The following XRN2 variants were observed in gnomAD, a reference collection of about 807,000 sequenced individuals.
The protein encoded by XRN2 is 5'-3' exoribonuclease 2.
In XRN2, 44 loss-of-function variants were observed where a neutral mutation model predicts 138.5. The ratio of observed to expected loss-of-function variants is 0.32; its 90% CI spans 0.25 to 0.41. The LOEUF (loss-of-function observed/expected upper bound fraction) is 0.41, where lower values mean the gene tolerates loss of function less well. Among genes scored for constraint, XRN2 ranks in the 10% least tolerant of loss-of-function variants. The pLI is 1.00. For synonymous variants in XRN2, 354 were observed against 369.4 expected, an observed-to-expected ratio of 0.96 and a Z score of 0.48; for missense variants, 937 against 1,169.3, an observed-to-expected ratio of 0.80 and a Z score of 2.90.
At chr20:21,386,721 C>A in intron 28 of XRN2, 147 bp from the exon 29 acceptor site, 1 of 951,444 alleles carries the variant, frequency 1.1e-6, no homozygotes, top group Non-Finnish European at 1.5e-6. Flanking sequence ...ATAAGGGACA[C>A]AAAGGCCATT....
chr20:21,318,472 T>C (rs2037991813), intron 1 of XRN2, among the ~76,000 whole-genome samples: 1 of 152,134 alleles, frequency 6.6e-6, no homozygotes, highest in Non-Finnish European at 1.5e-5. Context: ...TTTAGTTTAC[T>C]CTCTTTTGGT....
At chr20:21,384,899 A>G (rs985418305) in intron 28 of XRN2, among the ~76,000 whole-genome samples, 3 of 152,224 alleles carry the variant, frequency 2.0e-5, no homozygotes, top group African/African-American at 7.2e-5. Flanking sequence ...TATTTGCAAA[A>G]TATATAATTA....
At chr20:21,388,848 A>G (rs146421953) in intron 29 of XRN2, among the ~76,000 whole-genome samples, 5 of 152,364 alleles carry the variant, frequency 3.3e-5, no homozygotes, top group African/African-American at 1.2e-4. Flanking sequence ...TTTGGCCTTA[A>G]CTGACTTAGC....
At chr20:21,329,492 C>T (rs1166361787) in intron 4 of XRN2, among the ~76,000 whole-genome samples, 5 of 152,140 alleles carry the variant, frequency 3.3e-5, no homozygotes, top group Admixed American at 3.3e-4. Flanking sequence ...AAAAGGATGC[C>T]ATAGTATAGC....
chr20:21,313,798 T>C (rs1356622876), intron 1 of XRN2, among the ~76,000 whole-genome samples: 1 of 152,214 alleles, frequency 6.6e-6, no homozygotes, highest in Non-Finnish European at 1.5e-5. Context: ...ACTTTTGTGA[T>C]AGGCATCACT....
At position 21,389,304 on chromosome 20, in the gene XRN2, T is replaced by G; in HGVS notation, c.2819T>G (p.Leu940Trp). Residue 940 changes from leucine (L) to tryptophan (W), a missense_variant, in exon 30 of 30, where the codon TTG becomes TGG. Physicochemically the swap from Leu to Trp is moderately conservative, Grantham distance 61. This residue lies in a region of XRN2 where 372 missense variants were observed against 414.4 expected (regional missense o/e 0.90). Transcript: ENST00000377191. ...GYPREGRKYP[L>W]PPPSGRYNWN Reference sequence around the variant, plus strand: ...CCCAGAGAAGGAAGGAAATACCCTTTGCCACCACCCTCAGGAAGATACAAT... The same window carrying G: ...CCCAGAGAAGGAAGGAAATACCCTTGGCCACCACCCTCAGGAAGATACAAT... 14 of 1,613,446 alleles carry G rather than the reference T, an allele frequency of 8.7e-6. No homozygotes were observed. The highest frequency in any genetic ancestry group is 1.2e-5 in the Non-Finnish European group (14 of 1,179,692).
Position 21,346,514 on chromosome 20 carries a change from T to C in XRN2, c.1629T>C (p.Val543=). The stretch of plus-strand genomic sequence containing the variant: ...GTCGGAAAGTTGTGCAGTCGTACGT[T>C]GAAGGACTTTGCTGGGTTCTTAGAT... The part of the protein sequence containing the change: ...KFRRKVVQSY[V]EGLCWVLRYY... The change falls in exon 17 of 30, where the codon GTT becomes GTC. Residue 543 remains valine, a synonymous_variant. Coordinates refer to ENST00000377191, the MANE Select transcript of XRN2 (RefSeq NM_012255.5). The C allele has an allele frequency of 6.2e-7, 1 of 1,614,100 alleles. No individual in the cohort carries two copies. The highest frequency in any genetic ancestry group is 8.5e-7 in the Non-Finnish European group (1 of 1,179,932).
At chr20:21,356,799 C>A in intron 23 of XRN2, 134 bp downstream of exon 23, 1 of 791,736 alleles carries the variant, frequency 1.3e-6, no homozygotes, top group Non-Finnish European at 2.0e-6. Context: ...ACCTTGCTGA[C>A]TGAAAAATGC....
chr20:21,386,820 C>T (rs1175459660), intron 28 of XRN2, 48 bp from the exon 29 acceptor site: 2 of 1,572,768 alleles, frequency 1.3e-6, no homozygotes, highest in African/African-American at 2.7e-5. Flanking sequence ...AGGCTTTGTG[C>T]TGTATAATAG....
rs1271275050 is a variant in XRN2, at chr20:21,303,461, C to T, written c.63C>T (p.Cys21=). The T allele has an allele frequency of 6.5e-7, 1 of 1,544,764 alleles. No homozygotes were observed. The highest frequency in any genetic ancestry group is 1.2e-5 in the South Asian group (1 of 83,502). The stretch of plus-strand genomic sequence containing the variant: ...AGTACCCGTCCATCATAGTCAACTG[C>T]GTGGAAGAGAAGGTGAGGAGGCGCC... The part of the protein sequence containing the change: ...SRKYPSIIVN[C]VEEKPKECNG... Residue 21 remains cysteine (C), a synonymous_variant, in exon 1 of 30, where the codon TGC becomes TGT. Transcript: ENST00000377191.
At chr20:21,331,023 A>G (rs987343653) in intron 6 of XRN2, among the ~76,000 whole-genome samples, 4 of 152,200 alleles carry the variant, frequency 2.6e-5, no homozygotes, top group African/African-American at 9.7e-5. Flanking sequence ...ATCAATATAC[A>G]GCAAAATTAG....
In XRN2 at chr20:21,365,508, C is replaced by T. The variant is rs748147171; in HGVS notation, c.2324+19C>T. 2.5e-6 allele frequency: 4 copies of T among 1,613,004 alleles called. No individual in the cohort carries two copies. The highest frequency in any genetic ancestry group is 3.4e-6 in the Non-Finnish European group (4 of 1,179,630). ...GAGCAAGGTAACAACAGTAAATTAC[C>T]TAGATTTATTTTGTACAAATGGTTT... On this transcript the variant is annotated intron_variant, in intron 25 of 29. Coordinates refer to ENST00000377191, the MANE Select transcript of XRN2 (RefSeq NM_012255.5).
chr20:21,388,702 T>C (rs531267429), intron 29 of XRN2, among the ~76,000 whole-genome samples: 1 of 152,340 alleles, frequency 6.6e-6, no homozygotes, highest in African/African-American at 2.4e-5. Context: ...TCTTTTGTTA[T>C]ACAGAAATGT....
In XRN2 at chr20:21,348,418, C is replaced by T; in HGVS notation, c.1851C>T (p.Leu617=). ...GNFLPPSWRK[L]MSDPDSSIID... ...TTCTACCTCCATCATGGCGGAAGCT[C>T]ATGAGTGATCCTGTGAGTCTCAGTA... The change falls in exon 19 of 30, where the codon CTC becomes CTT. Residue 617 remains leucine, a synonymous_variant. Transcript: ENST00000377191. 1 of 1,613,978 alleles carries T rather than the reference C, an allele frequency of 6.2e-7. No individual in the cohort carries two copies. Among genetic ancestry groups the T allele is most frequent in the Non-Finnish European group, 8.5e-7 (1 of 1,179,930 alleles).
At chr20:21,362,488 C>G (rs1200780988) in intron 24 of XRN2, among the ~76,000 whole-genome samples, 1 of 152,124 alleles carries the variant, frequency 6.6e-6, no homozygotes, top group African/African-American at 2.4e-5. Flanking sequence ...TCCCAACGTT[C>G]CCATCCAAGA....
At chr20:21,372,584 G>A (rs900762754) in intron 27 of XRN2, among the ~76,000 whole-genome samples, 9 of 152,116 alleles carry the variant, frequency 5.9e-5, no homozygotes, top group East Asian at 1.9e-4. Flanking sequence ...CCACAGTCCC[G>A]AAATAAGCAG....
At chr20:21,316,753 T>C (rs1304045693) in intron 1 of XRN2, among the ~76,000 whole-genome samples, 1 of 152,246 alleles carries the variant, frequency 6.6e-6, no homozygotes, top group East Asian at 1.9e-4. Flanking sequence ...TTGAGTCTTG[T>C]GTTCCATAAA....
At chr20:21,320,291 TTATG>T (rs1301230344) in intron 1 of XRN2, among the ~76,000 whole-genome samples, 519 of 30,916 alleles carry the variant, frequency 0.017, 4 homozygotes, top group African/African-American at 0.038. Context: ...ATTTATTTAT[TTATG>T]TATTTATTTA....
rs1224154247 is a variant in XRN2, at chr20:21,328,644, G to A, written c.401G>A (p.Arg134Gln). 9.3e-6 allele frequency: 15 copies of A among 1,613,872 alleles called. 1 individual carries two copies. Among genetic ancestry groups the A allele is most frequent in the East Asian group, 4.5e-5 (2 of 44,886 alleles). The change falls in exon 4 of 30, where the codon CGA becomes CAA. Residue 134 changes from arginine to glutamine, a missense_variant. By Grantham distance (43) the Arg-to-Gln change is conservative. This residue lies in a region of XRN2 where 471 missense variants were observed against 581.2 expected (regional missense o/e 0.81). Coordinates refer to ENST00000377191, the MANE Select transcript of XRN2 (RefSeq NM_012255.5). ...ATGGAAGCAGCAGTCGAGAAGCAGC[G>A]AGTCAGGGAAGAAATATTGGCAAAA... ...EGMEAAVEKQ[R>Q]VREEILAKGG...
Sources: gnomAD v4.1 joint callset for allele counts (sites outside exome capture counted in the v4.1 genomes callset) on GRCh38, gnomAD v4.1.1 for gene constraint, gnomAD v4.1.1 regional missense constraint, MANE v1.5 for transcripts, NCBI Gene and HGNC (gene_info 2026-07-23, HGNC 2026-07-21) for gene names.